Variants in FNDC3B observed in about 807,000 individuals in gnomAD.
FNDC3B encodes fibronectin type III domain containing 3B, also known as fibronectin type III domain-containing protein 3B.
Under a neutral mutation model 151.5 loss-of-function variants are expected in FNDC3B, and 12 were observed. That is an observed-to-expected ratio of 0.08 (90% CI 0.05 to 0.13). The LOEUF (loss-of-function observed/expected upper bound fraction) is 0.13, where lower values mean the gene tolerates loss of function less well. Ranked by LOEUF, FNDC3B falls within the 10% of genes least tolerant of loss-of-function variation. FNDC3B has a pLI of 1.00. For missense variants in FNDC3B, 1,214 were observed against 1,505.3 expected, an observed-to-expected ratio of 0.81 and a Z score of 3.20; for synonymous variants, 528 against 549.0, an observed-to-expected ratio of 0.96 and a Z score of 0.54.
intron 10 of FNDC3B, 119 bp from the exon 11 acceptor site, chr3:172,310,709 T>G: frequency 1.3e-6 from 1 of 779,902 alleles, no homozygotes; most frequent in Non-Finnish European, 2.3e-6. Context: ...ACCATCAGCT[T>G]TATCCCCCTG....
At chr3:172,100,352 A>G (rs1719322065) in intron 1 of FNDC3B, among the ~76,000 whole-genome samples, 1 of 152,348 alleles carries the variant, frequency 6.6e-6, no homozygotes. Context: ...GGCAAGCACC[A>G]TGCTTTCAAA....
intron 22 of FNDC3B, among the ~76,000 whole-genome samples, chr3:172,353,911 A>G (rs1048465090): frequency 3.3e-5 from 5 of 152,166 alleles, no homozygotes; most frequent in Non-Finnish European, 7.3e-5. Flanking sequence ...ATACCATTTT[A>G]GACAGATGGA....
At chr3:172,154,351 GA>G (rs1391211250) in intron 3 of FNDC3B, among the ~76,000 whole-genome samples, 2 of 152,276 alleles carry the variant, frequency 1.3e-5, no homozygotes, top group Admixed American at 6.5e-5. Flanking sequence ...GAGTAGCTGG[GA>G]CTACAGGTGC....
chr3:172,238,598 G>A (rs1437362829), intron 4 of FNDC3B, among the ~76,000 whole-genome samples: 3 of 152,216 alleles, frequency 2.0e-5, no homozygotes, highest in East Asian at 1.9e-4. Flanking sequence ...TGATGGTGGT[G>A]AGAGTTGGCA....
chr3:172,339,577 A>T (rs190821962), intron 16 of FNDC3B, among the ~76,000 whole-genome samples: 184 of 152,292 alleles, frequency 1.2e-3, no homozygotes, highest in African/African-American at 4.2e-3. Context: ...GAAAAAACAA[A>T]AAACAAACAA....
chr3:172,237,102 G>A (rs940613854), intron 4 of FNDC3B, among the ~76,000 whole-genome samples: 2 of 152,174 alleles, frequency 1.3e-5, no homozygotes, highest in African/African-American at 2.4e-5. Context: ...AAGGATTGCC[G>A]TTTTTGAGAG....
At chr3:172,221,125 G>A (rs1296085645) in intron 3 of FNDC3B, among the ~76,000 whole-genome samples, 1 of 151,978 alleles carries the variant, frequency 6.6e-6, no homozygotes, top group Non-Finnish European at 1.5e-5. Context: ...GGCTTTTTTT[G>A]TGCAGATATT....
chr3:172,175,186 G>A (rs1025472281), intron 3 of FNDC3B, among the ~76,000 whole-genome samples: 28 of 152,008 alleles, frequency 1.8e-4, no homozygotes, highest in African/African-American at 6.5e-4. Flanking sequence ...TAATAGAGAA[G>A]CTAGTTGATG....
At chr3:172,121,069 C>A (rs189163791) in intron 2 of FNDC3B, among the ~76,000 whole-genome samples, 35 of 152,260 alleles carry the variant, frequency 2.3e-4, no homozygotes, top group Non-Finnish European at 4.0e-4. Context: ...GCTGTTGATG[C>A]GGAATGTCCT....
intron 2 of FNDC3B, among the ~76,000 whole-genome samples, chr3:172,116,326 G>T (rs1310448891): frequency 2.0e-5 from 3 of 152,122 alleles, no homozygotes; most frequent in Non-Finnish European, 4.4e-5. Context: ...TTGGAATCTG[G>T]TATATTCACA....
intron 4 of FNDC3B, among the ~76,000 whole-genome samples, chr3:172,245,646 A>G (rs1055391358): frequency 1.3e-5 from 2 of 152,094 alleles, no homozygotes; most frequent in African/African-American, 2.4e-5. Flanking sequence ...AGCTTTGATG[A>G]TAATTATCAA....
At chr3:172,052,168 T>C (rs961948340) in intron 1 of FNDC3B, among the ~76,000 whole-genome samples, 1 of 151,616 alleles carries the variant, frequency 6.6e-6, no homozygotes, top group Non-Finnish European at 1.5e-5. Context: ...TACTGCAGCC[T>C]CCGCCTCCTG....
chr3:172,256,099 T>A (rs1169787020), intron 6 of FNDC3B, among the ~76,000 whole-genome samples: 1 of 152,248 alleles, frequency 6.6e-6, no homozygotes, highest in Non-Finnish European at 1.5e-5. Context: ...GAGAATAAAG[T>A]CTAAACTGCA....
At chr3:172,240,151 G>A (rs190346369) in intron 4 of FNDC3B, among the ~76,000 whole-genome samples, 16 of 152,226 alleles carry the variant, frequency 1.1e-4, no homozygotes, top group East Asian at 7.7e-4. Flanking sequence ...GATTACAGGC[G>A]TGAGCCACCG....
At chr3:172,228,729 A>G (rs1202163192) in intron 4 of FNDC3B, among the ~76,000 whole-genome samples, 1 of 152,200 alleles carries the variant, frequency 6.6e-6, no homozygotes, top group African/African-American at 2.4e-5. Context: ...TTAAAATGGA[A>G]TAATTTGAAT....
intron 23 of FNDC3B, among the ~76,000 whole-genome samples, chr3:172,365,512 C>T (rs1734576685): frequency 6.6e-6 from 1 of 152,108 alleles, no homozygotes. Flanking sequence ...AAAAGGGATC[C>T]CAAAGAGCAT....
intron 23 of FNDC3B, among the ~76,000 whole-genome samples, chr3:172,370,372 T>C (rs1457931923): frequency 6.6e-6 from 1 of 152,240 alleles, no homozygotes; most frequent in Non-Finnish European, 1.5e-5. Flanking sequence ...TGGAACTTCT[T>C]CCTTCAGTTG....
intron 25 of FNDC3B, among the ~76,000 whole-genome samples, chr3:172,390,383 A>G (rs922150163): frequency 2.0e-4 from 31 of 152,204 alleles, no homozygotes; most frequent in African/African-American, 7.5e-4. Flanking sequence ...TAATGGTACA[A>G]GAAAAATAGG....
rs924176605 is a variant in FNDC3B at position 172,174,944 on chromosome 3, C to CCCCG, written c.187+41400_187+41401insCGCC. Among the ~76,000 whole-genome samples the CCCCG allele has an allele frequency of 7.5e-4, 38 of 50,738 alleles. 2 individuals carry two copies. In the East Asian group the frequency reaches 7.9e-3, roughly 11 times the overall value. 33.3% of individuals were successfully genotyped at this position (50,738 alleles called of 152,430 possible). A position where few individuals can be genotyped will look rare whatever the true frequency, so the allele number is the denominator to read the frequency against. On this transcript the variant is annotated intron_variant, in intron 3 of 25. Transcript: ENST00000415807. ...ACCTTCCCCCCGCCACCCCCCCCCC[C>CCCCG]CCAATACAATTTGCTGTCCATCCGG...
Sources: allele counts gnomAD v4.1 joint callset (sites outside exome capture counted in the v4.1 genomes callset), GRCh38; gene constraint gnomAD v4.1.1; transcripts MANE v1.5; gene names NCBI Gene and HGNC (gene_info 2026-07-23, HGNC 2026-07-21).